The following NPLOC4 variants were observed in gnomAD, a reference collection of about 807,000 sequenced individuals.
NPLOC4 encodes nuclear protein localization protein 4 homolog.
In NPLOC4, 18 loss-of-function variants were observed where a neutral mutation model predicts 80.6. The ratio of observed to expected loss-of-function variants is 0.22; its 90% CI spans 0.15 to 0.33. The LOEUF (loss-of-function observed/expected upper bound fraction) is 0.33. NPLOC4 is among the 10% of genes least tolerant of loss of function. The pLI is 1.00. For missense variants in NPLOC4, 540 were observed against 786.1 expected, an observed-to-expected ratio of 0.69 and a Z score of 3.74; for synonymous variants, 313 against 301.5, an observed-to-expected ratio of 1.04 and a Z score of -0.39.
At chr17:81,565,672 C>G in intron 15 of NPLOC4, 65 bp from the exon 16 acceptor site, 1 of 1,252,120 alleles carries the variant, frequency 8.0e-7, no homozygotes. Context: ...CCTGCTAGAA[C>G]AGGTTTCTTT....
chr17:81,631,784 A>G (rs1259486146), intron 1 of NPLOC4, among the ~76,000 whole-genome samples: 1 of 151,318 alleles, frequency 6.6e-6, no homozygotes, highest in East Asian at 1.9e-4. Flanking sequence ...CTGCATTACC[A>G]TCTCTTGTAT....
At chr17:81,632,661 TACC>T (rs2035962721) in intron 1 of NPLOC4, among the ~76,000 whole-genome samples, 1 of 152,152 alleles carries the variant, frequency 6.6e-6, no homozygotes, top group South Asian at 2.1e-4. Flanking sequence ...TCTGTGAGGT[TACC>T]ACGAGTGTTA....
intron 2 of NPLOC4, among the ~76,000 whole-genome samples, chr17:81,627,695 G>A (rs2035831325): frequency 6.6e-6 from 1 of 152,064 alleles, no homozygotes; most frequent in South Asian, 2.1e-4. Flanking sequence ...TTGAACACAG[G>A]AGGCAGAGGC....
chr17:81,626,462 C>T (rs2035798271), intron 2 of NPLOC4, among the ~76,000 whole-genome samples: 1 of 152,136 alleles, frequency 6.6e-6, no homozygotes, highest in African/African-American at 2.4e-5. Flanking sequence ...AACACCACTG[C>T]AAGGCACACC....
intron 11 of NPLOC4, among the ~76,000 whole-genome samples, chr17:81,593,218 G>A (rs2034797863): frequency 6.6e-6 from 1 of 151,936 alleles, no homozygotes; most frequent in Non-Finnish European, 1.5e-5. Context: ...AATTCTCTGG[G>A]ACTACAATAG....
chr17:81,559,796 G>A (rs935111477), intron 16 of NPLOC4, among the ~76,000 whole-genome samples: 17 of 139,354 alleles, frequency 1.2e-4, no homozygotes, highest in African/African-American at 1.6e-4. Flanking sequence ...GCAGTGGCAC[G>A]ATCTCGGCTC....
chr17:81,570,884 C>T (rs963709033), intron 13 of NPLOC4, among the ~76,000 whole-genome samples: 2 of 152,192 alleles, frequency 1.3e-5, no homozygotes, highest in Admixed American at 1.3e-4. Flanking sequence ...TGCTCTCCCA[C>T]AAACAAGTAC....
rs1011726395 is a variant in NPLOC4, at chr17:81,558,644, A to C, written c.*615T>G. The C allele has an allele frequency of 1.3e-5, 2 of 152,288 alleles. No individual in the cohort carries two copies. The highest frequency in any genetic ancestry group is 2.9e-5 in the Non-Finnish European group (2 of 68,072). The allele number at this position is 152,288 out of a possible 1,614,324, so 9.4% of individuals were successfully genotyped here. On this transcript the variant is annotated 3_prime_UTR_variant, in exon 17 of 17. Coordinates refer to ENST00000331134, the MANE Select transcript of NPLOC4 (RefSeq NM_017921.4). ...TTACTGATAACTGTTATTATAACCA[A>C]TGCAGACTTTAAAATCCCACCTGGA...
In NPLOC4 at chr17:81,558,212, G is replaced by A. The variant is rs1446465884; in HGVS notation, c.*1047C>T. ...CACTATCAATTGTGCAGTGCCCCAG[G>A]GAGGTCCCAAATGGCCCTCACAAGA... is the stretch of plus-strand genomic sequence containing the variant. On this transcript the variant is annotated 3_prime_UTR_variant, in exon 17 of 17. Transcript: ENST00000331134. The A allele has an allele frequency of 6.6e-6, 1 of 152,312 alleles. No homozygotes were observed. The highest frequency in any genetic ancestry group is 1.5e-5 in the Non-Finnish European group (1 of 68,138). 9.4% of individuals were successfully genotyped at this position (152,312 alleles called of 1,614,324 possible).
At chr17:81,613,203 A>G in intron 4 of NPLOC4, 115 bp downstream of exon 4, 2 of 865,322 alleles carry the variant, frequency 2.3e-6, no homozygotes, top group Non-Finnish European at 3.3e-6. Flanking sequence ...AAAACTTAAG[A>G]CTTAACATTT....
intron 12 of NPLOC4, among the ~76,000 whole-genome samples, chr17:81,576,676 G>A (rs2034311817): frequency 6.6e-6 from 1 of 152,020 alleles, no homozygotes; most frequent in South Asian, 2.1e-4. Context: ...CACGACAAAG[G>A]GTTAATATAC....
intron 11 of NPLOC4, among the ~76,000 whole-genome samples, chr17:81,590,538 G>T (rs1459540878): frequency 1.3e-5 from 2 of 152,022 alleles, no homozygotes; most frequent in African/African-American, 2.4e-5. Context: ...TAGAAGTAAG[G>T]TCTTACTATG....
intron 12 of NPLOC4, among the ~76,000 whole-genome samples, chr17:81,586,607 CAAA>C (rs199678879): frequency 7.9e-6 from 1 of 126,010 alleles, no homozygotes; most frequent in African/African-American, 3.0e-5. Context: ...AAAACTGTCT[CAAA>C]AAAAAAAAAA....
chr17:81,619,405 C>T (rs1442013839), intron 3 of NPLOC4, among the ~76,000 whole-genome samples: 4 of 151,160 alleles, frequency 2.6e-5, no homozygotes, highest in Non-Finnish European at 4.4e-5. Context: ...CAAAATTAGC[C>T]GGGCGTGGTG....
At chr17:81,612,576 G>T (rs35435780) in intron 4 of NPLOC4, 82,850 of 151,934 alleles carry the variant, frequency 0.55, 23,711 homozygotes, top group East Asian at 0.77. Context: ...TCCCAATACC[G>T]CAAAGTCAGC....
rs184255482 is a variant in NPLOC4 at position 81,567,953 on chromosome 17, C to A, written c.1450-420G>T. The stretch of plus-strand genomic sequence containing the variant: ...AATTACCCAGGCTTGGTGGCGCGCA[C>A]CTATAATCCCAGCTACTCAGGAGGC... On this transcript the variant is annotated intron_variant, in intron 14 of 16. Transcript: ENST00000331134. This position sits in a 1 kb window ranked among gnomAD's most constrained non-coding sequence, Gnocchi z 4.5. 5.6e-6 allele frequency: 1 copy of A among 177,230 alleles called. No individual in the cohort carries two copies. The highest frequency in any genetic ancestry group is 2.4e-5 in the African/African-American group (1 of 41,896). The allele number at this position is 177,230 out of a possible 1,614,324, so 11.0% of individuals were successfully genotyped here. A position where few individuals can be genotyped will look rare whatever the true frequency, so the allele number is the denominator to read the frequency against.
chr17:81,588,884 T>G (rs1598639627), intron 12 of NPLOC4, 60 bp downstream of exon 12: 1 of 1,499,026 alleles, frequency 6.7e-7, no homozygotes, highest in Non-Finnish European at 9.1e-7. Flanking sequence ...ATTAGAAAGG[T>G]CCAAGACAGG....
At position 81,580,940 on chromosome 17, in the gene NPLOC4, T is replaced by A. The variant is rs1171291860; in HGVS notation, c.1281+8004A>T. Reference sequence around the variant, plus strand: ...CCTCCCATGCCCACAGCTGGGGGCCTGGGAGAGACATGGCATGGAAGTACA... The same window carrying A: ...CCTCCCATGCCCACAGCTGGGGGCCAGGGAGAGACATGGCATGGAAGTACA... On this transcript the variant is annotated intron_variant, in intron 12 of 16. Transcript: ENST00000331134. This position sits in a 1 kb window ranked among gnomAD's most constrained non-coding sequence, Gnocchi z 4.4. Among the ~76,000 whole-genome samples, 3 of 152,250 alleles carry A rather than the reference T, an allele frequency of 2.0e-5. No individual in the cohort carries two copies. Among genetic ancestry groups the A allele is most frequent in the African/African-American group, 7.2e-5 (3 of 41,562 alleles).
chr17:81,576,341 A>C (rs1256617251), intron 12 of NPLOC4, among the ~76,000 whole-genome samples: 1 of 152,242 alleles, frequency 6.6e-6, no homozygotes, highest in Non-Finnish European at 1.5e-5. Context: ...GAGCAGGTCC[A>C]CCTATAGGCA....
Sources: allele counts gnomAD v4.1 joint callset (sites outside exome capture counted in the v4.1 genomes callset), GRCh38; gene constraint gnomAD v4.1.1; non-coding constraint Gnocchi (gnomAD v3.1); transcripts MANE v1.5; gene names NCBI Gene and HGNC (gene_info 2026-07-23, HGNC 2026-07-21).